Variants in ZNF503 observed in about 807,000 individuals in gnomAD.
ZNF503 encodes NocA-like zinc finger 2.
In ZNF503, 15 loss-of-function variants were observed where a neutral mutation model predicts 34.4. The observed-to-expected ratio is 0.44, with a 90% CI of 0.29 to 0.67. ZNF503 has a LOEUF of 0.67. Ranked by LOEUF, ZNF503 falls within the 30% of genes least tolerant of loss-of-function variation. ZNF503 has a pLI of 0.13. For missense variants in ZNF503, 1,007 were observed against 926.8 expected, an observed-to-expected ratio of 1.09 and a Z score of -1.12; for synonymous variants, 580 against 456.8, an observed-to-expected ratio of 1.27 and a Z score of -3.44.
At chr10:75,323,879 G>A in the ZNF503 span, among the ~76,000 whole-genome samples, 1 of 150,228 alleles carries the variant, frequency 6.7e-6, no homozygotes, top group African/African-American at 2.4e-5. Context: ...GTGTGCACCT[G>A]TAATCCCAGC....
chr10:75,313,831 G>A, the ZNF503 span, among the ~76,000 whole-genome samples: 1 of 152,216 alleles, frequency 6.6e-6, no homozygotes, highest in Non-Finnish European at 1.5e-5. Flanking sequence ...GAAAACAAAA[G>A]AGAGAACCTC....
chr10:75,346,938 G>A, the ZNF503 span, among the ~76,000 whole-genome samples: 172 of 152,046 alleles, frequency 1.1e-3, 3 homozygotes, highest in East Asian at 1.2e-3. Context: ...GTTAGCTGCC[G>A]CGCCTGGCCA....
chr10:75,333,063 C>A, the ZNF503 span, among the ~76,000 whole-genome samples: 3 of 142,466 alleles, frequency 2.1e-5, no homozygotes, highest in Non-Finnish European at 3.1e-5. Context: ...CGGGCAGAGG[C>A]GCCCCTCACC....
chr10:75,301,182 G>T, the ZNF503 span, among the ~76,000 whole-genome samples: 14 of 152,226 alleles, frequency 9.2e-5, no homozygotes, highest in East Asian at 2.7e-3. Context: ...CTTTTGAATG[G>T]ATATTTTAGT....
the ZNF503 span, among the ~76,000 whole-genome samples, chr10:75,379,809 G>A: frequency 6.6e-6 from 1 of 152,208 alleles, no homozygotes; most frequent in Non-Finnish European, 1.5e-5. Flanking sequence ...AGTGACACTC[G>A]AGGAACCAGA....
At chr10:75,324,209 G>T in the ZNF503 span, among the ~76,000 whole-genome samples, 26 of 151,934 alleles carry the variant, frequency 1.7e-4, no homozygotes, top group Admixed American at 1.5e-3. Flanking sequence ...TATGGATAAT[G>T]CTTTTTTGGA....
the ZNF503 span, among the ~76,000 whole-genome samples, chr10:75,287,862 A>T: frequency 1.3e-5 from 2 of 152,242 alleles, no homozygotes; most frequent in Non-Finnish European, 2.9e-5. Context: ...GAAGGACTCC[A>T]GTTGTCCAAG....
chr10:75,312,739 A>AT, the ZNF503 span, among the ~76,000 whole-genome samples: 1 of 152,198 alleles, frequency 6.6e-6, no homozygotes, highest in South Asian at 2.1e-4. Context: ...AAGTAGACAG[A>AT]TTAAAAAAAA....
At chr10:75,363,324 G>A in the ZNF503 span, among the ~76,000 whole-genome samples, 1 of 152,034 alleles carries the variant, frequency 6.6e-6, no homozygotes, top group Non-Finnish European at 1.5e-5. Flanking sequence ...AGTCCCTGTG[G>A]CCAGGCCTTG....
the ZNF503 span, among the ~76,000 whole-genome samples, chr10:75,324,347 G>A: frequency 6.6e-6 from 1 of 151,068 alleles, no homozygotes; most frequent in Non-Finnish European, 1.5e-5. Flanking sequence ...TTGAGACAGG[G>A]TCTCGCTCTA....
chr10:75,313,588 A>G, the ZNF503 span, among the ~76,000 whole-genome samples: 1 of 152,196 alleles, frequency 6.6e-6, no homozygotes, highest in African/African-American at 2.4e-5. Flanking sequence ...ACTCCACTAA[A>G]CACTATGGAC....
the ZNF503 span, among the ~76,000 whole-genome samples, chr10:75,298,668 A>G: frequency 6.6e-6 from 1 of 152,210 alleles, no homozygotes; most frequent in Non-Finnish European, 1.5e-5. Context: ...ACATTTATGT[A>G]CAAGTTTTTA....
At chr10:75,362,336 G>T in the ZNF503 span, among the ~76,000 whole-genome samples, 1 of 152,110 alleles carries the variant, frequency 6.6e-6, no homozygotes, top group South Asian at 2.1e-4. Flanking sequence ...TGCCCCAAAA[G>T]GGGGGCGGTA....
At chr10:75,359,620 T>C in the ZNF503 span, among the ~76,000 whole-genome samples, 1 of 152,184 alleles carries the variant, frequency 6.6e-6, no homozygotes, top group African/African-American at 2.4e-5. Flanking sequence ...ACTAAATCTA[T>C]GTGGTTCCAA....
the ZNF503 span, among the ~76,000 whole-genome samples, chr10:75,363,061 T>G: frequency 6.7e-6 from 1 of 148,412 alleles, no homozygotes; most frequent in Non-Finnish European, 1.5e-5. Context: ...TGGGCATGGG[T>G]GTGTGTGTGC....
At chr10:75,369,632 G>T in the ZNF503 span, among the ~76,000 whole-genome samples, 1 of 152,164 alleles carries the variant, frequency 6.6e-6, no homozygotes, top group African/African-American at 2.4e-5. Flanking sequence ...TTATAGCAGC[G>T]TGAGAACAGA....
At chr10:75,301,335 G>GGTTGAA in the ZNF503 span, among the ~76,000 whole-genome samples, 13 of 152,062 alleles carry the variant, frequency 8.5e-5, no homozygotes, top group Admixed American at 8.5e-4. Context: ...CTGCCTCCTG[G>GGTTGAA]GTTGAAGCAA....
rs749812028 is a variant in ZNF503 at position 75,399,861 on chromosome 10, T to C, written c.829A>G (p.Thr277Ala). 2.2e-5 allele frequency: 35 copies of C among 1,602,560 alleles called. No individual in the cohort carries two copies. Among genetic ancestry groups the C allele is most frequent in the Non-Finnish European group, 2.8e-5 (33 of 1,175,856 alleles). The change falls in exon 2 of 2, where the codon ACG (threonine) becomes GCG (alanine). Residue 277 changes from threonine (T) to alanine (A), a missense_variant. Coordinates refer to ENST00000372524, the MANE Select transcript of ZNF503 (RefSeq NM_032772.6). Reference protein sequence around the residue: ...TGGASAEGGPTGLAHGRISCG... With the variant: ...TGGASAEGGPAGLAHGRISCG... ...CTAATCCGGCCGTGTGCCAGCCCCG[T>C]GGGTCCCCCTTCGGCCGAGGCGCCC... is the stretch of plus-strand genomic sequence containing the variant.
the ZNF503 span, among the ~76,000 whole-genome samples, chr10:75,362,107 A>G: frequency 6.6e-6 from 1 of 152,154 alleles, no homozygotes; most frequent in East Asian, 1.9e-4. Flanking sequence ...GCTTCTTAAT[A>G]AAAACAGCAC....
Sources: gnomAD v4.1 joint callset for allele counts (sites outside exome capture counted in the v4.1 genomes callset) on GRCh38, gnomAD v4.1.1 for gene constraint, MANE v1.5 for transcripts, NCBI Gene and HGNC (gene_info 2026-07-23, HGNC 2026-07-21) for gene names.